The following SMARCAL1 variants were observed in gnomAD, a reference collection of about 807,000 sequenced individuals.
The protein encoded by SMARCAL1 is SNF2 related chromatin remodeling annealing helicase 1, also known as ATP-driven annealing helicase.
Under a neutral mutation model 94.5 loss-of-function variants are expected in SMARCAL1, and 58 were observed. The ratio of observed to expected loss-of-function variants is 0.61; its 90% CI spans 0.50 to 0.76. The LOEUF is 0.76. Among genes scored for constraint, SMARCAL1 ranks in the 30% least tolerant of loss-of-function variants. The pLI, the probability that SMARCAL1 is intolerant of heterozygous loss-of-function variation, is 0.00. For missense variants in SMARCAL1, 1,051 were observed against 1,177.9 expected (o/e 0.89, Z 1.58); for synonymous variants, 422 against 455.1 (o/e 0.93, Z 0.93).
At chr2:216,456,068 G>A (rs1694560557) in intron 12 of SMARCAL1, among the ~76,000 whole-genome samples, 1 of 152,230 alleles carries the variant, frequency 6.6e-6, no homozygotes, top group East Asian at 1.9e-4. Context: ...AGCTTCAGTA[G>A]CCGATTTGAT....
At position 216,475,306 on chromosome 2, in the gene SMARCAL1, C is replaced by G; in HGVS notation, c.2282C>G (p.Ser761Ter). ...QHIRIDGSTS[S>*]AEREDLCQQF... ...ATCCGCATCGATGGCTCCACCTCATCAGCTGAGCGGGAGGACCTGTGCCAG... is the reference window on the plus strand; with the variant it reads ...ATCCGCATCGATGGCTCCACCTCATGAGCTGAGCGGGAGGACCTGTGCCAG... The change falls in exon 15 of 18, where the codon TCA becomes TGA. Residue 761 changes from serine to a stop codon, truncating the protein, a stop_gained. Coordinates refer to ENST00000357276, the MANE Select transcript of SMARCAL1 (RefSeq NM_014140.4). LOFTEE classifies it high-confidence loss of function. This position sits in a 1 kb window ranked among gnomAD's most constrained non-coding sequence, Gnocchi z 4.4. 6.2e-7 allele frequency: 1 copy of G among 1,614,212 alleles called. No homozygotes were observed. The highest frequency in any genetic ancestry group is 8.5e-7 in the Non-Finnish European group (1 of 1,180,040).
Position 216,464,685 on chromosome 2 carries a change from G to A in SMARCAL1, c.2141+18G>A. ...TCTGTCATGTAAGTGGTCACTAAGT[G>A]TCGACCTCTCTCTCTCTCATCTTCA... On this transcript the variant is annotated intron_variant, in intron 13 of 17. Coordinates refer to ENST00000357276, the MANE Select transcript of SMARCAL1 (RefSeq NM_014140.4). The A allele has an allele frequency of 6.6e-7, 1 of 1,524,006 alleles. No homozygotes were observed. The highest frequency in any genetic ancestry group is 9.1e-7 in the Non-Finnish European group (1 of 1,102,784). 94.4% of individuals were successfully genotyped at this position (1,524,006 alleles called of 1,614,324 possible).
At chr2:216,434,500 C>A (rs1694034045) in intron 8 of SMARCAL1, among the ~76,000 whole-genome samples, 1 of 152,026 alleles carries the variant, frequency 6.6e-6, no homozygotes, top group African/African-American at 2.4e-5. Flanking sequence ...AGTTAGAGAT[C>A]ACAGAAATGA....
At chr2:216,440,460 A>C (rs1442226892) in intron 10 of SMARCAL1, among the ~76,000 whole-genome samples, 1 of 152,224 alleles carries the variant, frequency 6.6e-6, no homozygotes. Context: ...AGTGTGTTTC[A>C]AAGTGACATG....
intron 5 of SMARCAL1, among the ~76,000 whole-genome samples, chr2:216,422,895 G>A (rs1395633233): frequency 6.6e-6 from 1 of 152,216 alleles, no homozygotes; most frequent in Non-Finnish European, 1.5e-5. Flanking sequence ...GATATTGTGT[G>A]TAATTTATAC....
chr2:216,462,920 G>A (rs1273129567), intron 12 of SMARCAL1, among the ~76,000 whole-genome samples: 3 of 152,100 alleles, frequency 2.0e-5, no homozygotes, highest in East Asian at 1.9e-4. Flanking sequence ...AGCCCAAGAC[G>A]CTGAGGCTGC....
In SMARCAL1 at chr2:216,475,795, G is replaced by A. The variant is rs147131292; in HGVS notation, c.2427+344G>A. Among the ~76,000 whole-genome samples the A allele has an allele frequency of 8.2e-3, 1,248 of 151,992 alleles. 12 individuals carry two copies. The highest frequency in any genetic ancestry group is 0.012 in the Non-Finnish European group (800 of 67,950). ...ACGCCAGGCGATTGGCTGTTTTCTAGATTTTCACAGCAACCTGTAGGATTA... is the reference window on the plus strand; with the variant it reads ...ACGCCAGGCGATTGGCTGTTTTCTAAATTTTCACAGCAACCTGTAGGATTA... On this transcript the variant is annotated intron_variant, in intron 15 of 17. Transcript: ENST00000357276. This position sits in a 1 kb window ranked among gnomAD's most constrained non-coding sequence, Gnocchi z 4.4.
At chr2:216,467,546 G>A (rs1574479017) in intron 13 of SMARCAL1, among the ~76,000 whole-genome samples, 1 of 151,960 alleles carries the variant, frequency 6.6e-6, no homozygotes, top group East Asian at 1.9e-4. Flanking sequence ...TAAATTAAGG[G>A]AGGCCAAACA....
chr2:216,458,455 C>G (rs1400945134), intron 12 of SMARCAL1, among the ~76,000 whole-genome samples: 1 of 152,204 alleles, frequency 6.6e-6, no homozygotes, highest in East Asian at 1.9e-4. Flanking sequence ...CAAACCGAAT[C>G]CAGCAACACA....
At chr2:216,435,203 C>A in intron 8 of SMARCAL1, 135 bp from the exon 9 acceptor site, 1 of 890,884 alleles carries the variant, frequency 1.1e-6, no homozygotes, top group Non-Finnish European at 1.8e-6. Context: ...CTGTTAGTGG[C>A]AAGTGAAGGG....
chr2:216,412,835 G>C (rs1693495052), intron 1 of SMARCAL1, 187 bp downstream of exon 1: 1 of 152,684 alleles, frequency 6.5e-6, no homozygotes, highest in Non-Finnish European at 1.5e-5. Flanking sequence ...GTGGGGGGCG[G>C]GGGGCAGAGG....
chr2:216,450,733 C>T (rs2106054878), intron 11 of SMARCAL1, 113 bp from the exon 12 acceptor site: 1 of 771,040 alleles, frequency 1.3e-6, no homozygotes, highest in South Asian at 1.5e-5. Flanking sequence ...TTGAAGTTTT[C>T]TGAGCTAAGC....
At chr2:216,461,056 GT>G (rs1694687078) in intron 12 of SMARCAL1, among the ~76,000 whole-genome samples, 2 of 12,298 alleles carry the variant, frequency 1.6e-4, no homozygotes, top group South Asian at 5.6e-3. Context: ...CTAGAAAGAG[GT>G]GTGTGTGTGT....
At chr2:216,422,532 G>A (rs1051182064) in intron 5 of SMARCAL1, among the ~76,000 whole-genome samples, 4 of 152,182 alleles carry the variant, frequency 2.6e-5, no homozygotes, top group African/African-American at 7.2e-5. Context: ...TGCCTTAGCT[G>A]TTGTTCACAT....
chr2:216,459,844 TTAAAC>T (rs1298548364), intron 12 of SMARCAL1, among the ~76,000 whole-genome samples: 1 of 152,018 alleles, frequency 6.6e-6, no homozygotes, highest in Non-Finnish European at 1.5e-5. Context: ...TGGGATCTAA[TTAAAC>T]TAAAGAGCTT....
intron 17 of SMARCAL1, among the ~76,000 whole-genome samples, chr2:216,480,326 T>C (rs374488521): frequency 7.2e-5 from 11 of 152,350 alleles, no homozygotes; most frequent in East Asian, 5.8e-4. Flanking sequence ...CTCACTGAGA[T>C]AGCCTTCCTT....
chr2:216,433,089 G>T (rs1207543091), intron 8 of SMARCAL1, among the ~76,000 whole-genome samples: 1 of 152,112 alleles, frequency 6.6e-6, no homozygotes, highest in African/African-American at 2.4e-5. Context: ...GGAGAAACCG[G>T]CTTAGAGACT....
At chr2:216,438,614 T>C in intron 10 of SMARCAL1, 129 bp downstream of exon 10, 1 of 770,118 alleles carries the variant, frequency 1.3e-6, no homozygotes, top group East Asian at 2.7e-5. Flanking sequence ...TGACTTGGCA[T>C]TGACTTAGGG....
chr2:216,422,120 C>G (rs1465894967), intron 5 of SMARCAL1, among the ~76,000 whole-genome samples: 1 of 152,120 alleles, frequency 6.6e-6, no homozygotes, highest in Non-Finnish European at 1.5e-5. Flanking sequence ...GTGTTGTGGC[C>G]TGTAATCCCA....
Sources: allele counts gnomAD v4.1 joint callset (sites outside exome capture counted in the v4.1 genomes callset), GRCh38; gene constraint gnomAD v4.1.1; non-coding constraint Gnocchi (gnomAD v3.1); transcripts MANE v1.5; gene names NCBI Gene and HGNC (gene_info 2026-07-23, HGNC 2026-07-21).